The following CARD6 variants were observed in gnomAD, a reference collection of about 807,000 sequenced individuals.
The protein encoded by CARD6 is caspase recruitment domain family member 6.
A neutral mutation model predicts 23.6 loss-of-function variants in CARD6; 27 were observed. The ratio of observed to expected loss-of-function variants is 1.14; its 90% confidence interval spans 0.84 to 1.58. The LOEUF is 1.58. CARD6 is among the 40% of genes most tolerant of loss of function. The pLI is 0.00. For synonymous variants in CARD6, 397 were observed against 431.8 expected (o/e 0.92, Z 1.00); for missense variants, 1,214 against 1,209.9 (o/e 1.00, Z -0.05).
intron 2 of CARD6, among the ~76,000 whole-genome samples, chr5:40,847,277 G>A (rs1327378333): frequency 6.6e-6 from 1 of 152,212 alleles, no homozygotes; most frequent in Non-Finnish European, 1.5e-5. Context: ...ATATCACAGT[G>A]TCACAGTCTC....
At position 40,847,803 on chromosome 5, in the gene CARD6, A is replaced by AT. The variant is rs1286662187; in HGVS notation, c.841+4104dup. Among the ~76,000 whole-genome samples, 320 of 146,912 alleles carry AT rather than the reference A, an allele frequency of 2.2e-3. 1 individual carries two copies. Among genetic ancestry groups the AT allele is most frequent in the African/African-American group, 7.3e-3 (291 of 40,112 alleles). On this transcript the variant is annotated intron_variant, in intron 2 of 2. Transcript: ENST00000254691. ...AGTTGACTCTGATGTGTCTGGGGTG[A>AT]TTTTTTTTTTCTCTTAGTGTTTGCA... is the stretch of plus-strand genomic sequence containing the variant.
intron 2 of CARD6, among the ~76,000 whole-genome samples, chr5:40,850,405 C>T (rs1301401564): frequency 1.3e-5 from 1 of 76,002 alleles, no homozygotes; most frequent in African/African-American, 5.5e-5. Flanking sequence ...CAGAGTGACA[C>T]TCCATCTCAA....
At chr5:40,843,836 C>A (rs371374942) in intron 2 of CARD6, 127 bp downstream of exon 2, 2 of 596,904 alleles carry the variant, frequency 3.4e-6, no homozygotes, top group African/African-American at 1.9e-5. Flanking sequence ...CTAAGAAATT[C>A]CTCGTGCCTC....
chr5:40,841,507 A>G lies in CARD6; in HGVS notation c.125A>G (p.Glu42Gly), dbSNP rs141979350. ...ACTTCTCGGAGGCTGATTTCTGAGGAAGAGTATGAGACTCTGGAGAATGTT... is the reference window on the plus strand; with the variant it reads ...ACTTCTCGGAGGCTGATTTCTGAGGGAGAGTATGAGACTCTGGAGAATGTT... Reference protein sequence around the residue: ...TLTSRRLISEEEYETLENVTD... With the variant: ...TLTSRRLISEGEYETLENVTD... The change falls in exon 1 of 3, where the codon GAA becomes GGA. Residue 42 changes from glutamate (E) to glycine (G), a missense_variant. Physicochemically the swap from Glu to Gly is moderately conservative, Grantham distance 98. Coordinates refer to ENST00000254691, the MANE Select transcript of CARD6 (RefSeq NM_032587.4). 447 of 1,614,154 alleles carry G rather than the reference A, an allele frequency of 2.8e-4. No individual in the cohort carries two copies. Among genetic ancestry groups the G allele is most frequent in the Non-Finnish European group, 3.2e-4 (373 of 1,180,012 alleles).
Position 40,852,735 on chromosome 5 carries a change from C to T in CARD6, c.1403C>T (p.Ser468Phe). 6.2e-7 allele frequency: 1 copy of T among 1,613,626 alleles called. No individual in the cohort carries two copies. Among genetic ancestry groups the T allele is most frequent in the East Asian group, 2.2e-5 (1 of 44,864 alleles). ...VRLGYCSFSK[S>F]RILNTLLSPA... ...CTAGGATACTGTAGCTTCTCTAAGT[C>T]CAGAATCCTCAACACACTTCTCAGC... is the stretch of plus-strand genomic sequence containing the variant. The change falls in exon 3 of 3, where the codon TCC becomes TTC. Residue 468 changes from serine to phenylalanine, a missense_variant. Physicochemically the swap from Ser to Phe is radical, Grantham distance 155 (BLOSUM62 -2). Coordinates refer to ENST00000254691, the MANE Select transcript of CARD6 (RefSeq NM_032587.4).
At position 40,852,425 on chromosome 5, in the gene CARD6, T is replaced by C. The variant is rs1365232932; in HGVS notation, c.1093T>C (p.Leu365=). 7.4e-6 allele frequency: 12 copies of C among 1,614,070 alleles called. No individual in the cohort carries two copies. The highest frequency in any genetic ancestry group is 1.1e-5 in the South Asian group (1 of 91,076). ...GGATTTGCTGGCTGGAGTGGAGAAT[T>C]TGGAAATTCGAGACATACAAACCAT... ...KEDLLAGVEN[L]EIRDIQTINP... The change falls in exon 3 of 3, where the codon TTG becomes CTG. Residue 365 remains leucine, a synonymous_variant. Transcript: ENST00000254691.
intron 1 of CARD6, 23 bp from the exon 2 acceptor site, chr5:40,843,127 GGA>G (rs1561212653): frequency 6.6e-7 from 1 of 1,510,278 alleles, no homozygotes; most frequent in Non-Finnish European, 8.9e-7. Context: ...TTCTTAATTG[GGA>G]AAAACAATTC....
chr5:40,849,370 A>C (rs1358311901), intron 2 of CARD6, among the ~76,000 whole-genome samples: 1 of 152,094 alleles, frequency 6.6e-6, no homozygotes, highest in Non-Finnish European at 1.5e-5. Flanking sequence ...GAAAAAGCAG[A>C]ACTTAAAAGC....
chr5:40,850,150 A>C (rs1244212824), intron 2 of CARD6, among the ~76,000 whole-genome samples: 1 of 151,850 alleles, frequency 6.6e-6, no homozygotes, highest in Non-Finnish European at 1.5e-5. Context: ...TGCGGTGGCT[A>C]ACGCCTGTAA....
At chr5:40,851,587 G>A (rs1746067917) in intron 2 of CARD6, among the ~76,000 whole-genome samples, 1 of 151,614 alleles carries the variant, frequency 6.6e-6, no homozygotes, top group Admixed American at 6.6e-5. Flanking sequence ...GGGAGGCTGA[G>A]GCAGGCTGAT....
intron 1 of CARD6, among the ~76,000 whole-genome samples, chr5:40,842,380 C>T (rs956648947): frequency 6.6e-6 from 1 of 152,122 alleles, no homozygotes; most frequent in East Asian, 1.9e-4. Context: ...TTAGTGATAC[C>T]TAATTTAGGA....
In CARD6 at chr5:40,843,625, A is replaced by G. The variant is rs763711020; in HGVS notation, c.757A>G (p.Thr253Ala). ...AGAGGACTTCGAGAATTCAGAAACC[A>G]CAGAGTTCTCTGGTGAAGAACCAAG... ...GEEDFENSET[T>A]EFSGEEPSYE... Residue 253 changes from threonine (T) to alanine (A), a missense_variant, in exon 2 of 3, where the codon ACA becomes GCA. By Grantham distance (58) the Thr-to-Ala change is moderately conservative. Coordinates refer to ENST00000254691, the MANE Select transcript of CARD6 (RefSeq NM_032587.4). 2 of 1,600,424 alleles carry G rather than the reference A, an allele frequency of 1.2e-6. No homozygotes were observed. Among genetic ancestry groups the G allele is most frequent in the Admixed American group, 3.6e-5 (2 of 55,942 alleles).
chr5:40,844,516 C>T (rs756126556), intron 2 of CARD6, among the ~76,000 whole-genome samples: 19 of 152,148 alleles, frequency 1.2e-4, no homozygotes, highest in Admixed American at 9.8e-4. Context: ...CAGGTGTGAG[C>T]CACTGCACCT....
rs764305084 is a variant in CARD6 at position 40,841,518 on chromosome 5, ACT to A, written c.139_140del (p.Leu47GlyfsTer34). On this transcript the variant is annotated frameshift_variant, in exon 1 of 3. Transcript: ENST00000254691. LOFTEE classifies it high-confidence loss of function. ...RRLISEEEYE[T>X]LENVTDLLKK... ...GCTGATTTCTGAGGAAGAGTATGAG[ACT>A]CTGGAGAATGTTACAGATCTCCTGA... The A allele has an allele frequency of 2.5e-6, 4 of 1,613,868 alleles. No homozygotes were observed. Among genetic ancestry groups the A allele is most frequent in the South Asian group, 1.1e-5 (1 of 91,078 alleles).
chr5:40,841,579 A>C lies in CARD6; in HGVS notation c.197A>C (p.Lys66Thr). The C allele has an allele frequency of 6.2e-7, 1 of 1,614,134 alleles. No homozygotes were observed. Among genetic ancestry groups the C allele is most frequent in the Non-Finnish European group, 8.5e-7 (1 of 1,180,012 alleles). ...CGGAAGCTGTTAATTTTGGTACAGA[A>C]AAAGGGAGAGGCGACCTGTCAGCAT... ...KSRKLLILVQ[K>T]KGEATCQHFL... Residue 66 changes from lysine to threonine, a missense_variant, in exon 1 of 3, where the codon AAA (lysine) becomes ACA (threonine). By Grantham distance (78) the Lys-to-Thr change is moderately conservative. Transcript: ENST00000254691.
chr5:40,852,536 C>T lies in CARD6; in HGVS notation c.1204C>T (p.Gln402Ter). Reference protein sequence around the residue: ...RQVMSNMYQCQFALPLLLPDA... With the variant: ...RQVMSNMYQC ...AGTCATGTCAAACATGTATCAGTGC[C>T]AGTTTGCTCTTCCCCTGCTACTGCC... The change falls in exon 3 of 3, where the codon CAG becomes TAG. Residue 402 changes from glutamine to a stop codon, truncating the protein, a stop_gained. Coordinates refer to ENST00000254691, the MANE Select transcript of CARD6 (RefSeq NM_032587.4). LOFTEE classifies it low-confidence loss of function (END_TRUNC). The T allele has an allele frequency of 1.2e-6, 2 of 1,614,012 alleles. No individual in the cohort carries two copies. Among genetic ancestry groups the T allele is most frequent in the Non-Finnish European group, 1.7e-6 (2 of 1,180,016 alleles).
intron 1 of CARD6, 124 bp downstream of exon 1, chr5:40,841,789 A>G (rs1359352246): frequency 2.4e-6 from 2 of 824,532 alleles, no homozygotes; most frequent in Non-Finnish European, 3.7e-6. Flanking sequence ...GATAATTTTC[A>G]TTGAAATATG....
chr5:40,852,696 T>C lies in CARD6; in HGVS notation c.1364T>C (p.Ile455Thr), dbSNP rs892815827. 13 of 1,614,094 alleles carry C rather than the reference T, an allele frequency of 8.1e-6. No individual in the cohort carries two copies. The highest frequency in any genetic ancestry group is 1.1e-5 in the Non-Finnish European group (13 of 1,180,008). Residue 455 changes from isoleucine to threonine, a missense_variant, in exon 3 of 3, where the codon ATC becomes ACC. Physicochemically the swap from Ile to Thr is moderately conservative, Grantham distance 89. Transcript: ENST00000254691. ...KFLTLMKMPV[I>T]SFVRLGYCSF... ...CTGACTCTCATGAAGATGCCTGTCA[T>C]CTCTTTTGTGCGTCTAGGATACTGT...
chr5:40,841,765 A>G (rs1029622349), intron 1 of CARD6, 100 bp downstream of exon 1: 1 of 1,015,788 alleles, frequency 9.8e-7, no homozygotes, highest in Non-Finnish European at 1.4e-6. Context: ...TATTTTTGTT[A>G]GTCTTTTTCT....
Sources: allele counts gnomAD v4.1 joint callset (sites outside exome capture counted in the v4.1 genomes callset), GRCh38; gene constraint gnomAD v4.1.1; transcripts MANE v1.5; gene names NCBI Gene and HGNC (gene_info 2026-07-23, HGNC 2026-07-21).